Variants in DIP2A observed in about 807,000 individuals in gnomAD.
DIP2A encodes the protein disco-interacting protein 2 homolog A.
Under a neutral mutation model 177.4 loss-of-function variants are expected in DIP2A, and 85 were observed. That is an observed-to-expected ratio of 0.48 (90% confidence interval 0.40 to 0.57). The LOEUF (loss-of-function observed/expected upper bound fraction) is 0.57, where lower values mean the gene tolerates loss of function less well. Ranked by LOEUF, DIP2A falls within the 20% of genes least tolerant of loss-of-function variation. The pLI, the probability that DIP2A is intolerant of heterozygous loss-of-function variation, is 0.00. For synonymous variants in DIP2A, 886 were observed against 881.8 expected (o/e 1.00, Z -0.08); for missense variants, 1,791 against 2,100.2 (o/e 0.85, Z 2.88).
chr21:46,509,257 G>A lies in DIP2A; in HGVS notation c.785G>A (p.Gly262Asp), dbSNP rs759904146. ...CSGSMLETAD[G>D]VPVNSRVSSK... ...TGCTCCTCTGTCCTTCCCGTGACAG[G>A]TGTCCCTGTGAACAGCAGAGTGTCC... is the stretch of plus-strand genomic sequence containing the variant. Residue 262 changes from glycine (G) to aspartate (D), a missense_variant and splice_region_variant, in exon 7 of 38, where the codon GGT becomes GAT. Gly to Asp is a moderately conservative substitution (Grantham distance 94, BLOSUM62 -1). Coordinates refer to ENST00000417564, the MANE Select transcript of DIP2A (RefSeq NM_015151.4). 1 of 1,611,738 alleles carries A rather than the reference G, an allele frequency of 6.2e-7. No individual in the cohort carries two copies. Among genetic ancestry groups the A allele is most frequent in the African/African-American group, 1.3e-5 (1 of 74,786 alleles).
chr21:46,508,762 C>T (rs188497122), intron 6 of DIP2A, among the ~76,000 whole-genome samples: 2 of 152,114 alleles, frequency 1.3e-5, no homozygotes, highest in African/African-American at 4.8e-5. Flanking sequence ...GTGGCACACG[C>T]CTGTGATCCC....
Position 46,477,543 on chromosome 21 carries a change from T to TTGTGTGTGTGTGTGTGTGTGTG in DIP2A, c.92-7210_92-7189dup, listed in dbSNP as rs1555874551. On this transcript the variant is annotated intron_variant, in intron 1 of 37. Coordinates refer to ENST00000417564, the MANE Select transcript of DIP2A (RefSeq NM_015151.4). Reference sequence around the variant, plus strand: ...CTCCGCCTAAAATAAAAAAAAAGATTTGTGTGTGTGTGTGTGTGTGTGTGT... The same window carrying TTGTGTGTGTGTGTGTGTGTGTG: ...CTCCGCCTAAAATAAAAAAAAAGATTTGTGTGTGTGTGTGTGTGTGTGTGTGTGTGTGTGTGTGTGTGTGTGT... 1.3e-3 allele frequency among the ~76,000 whole-genome samples: 117 copies of TTGTGTGTGTGTGTGTGTGTGTG among 87,120 alleles called. 2 individuals are homozygous for TTGTGTGTGTGTGTGTGTGTGTG. The highest frequency in any genetic ancestry group is 3.8e-3 in the African/African-American group (89 of 23,224). 57.2% of individuals were successfully genotyped at this position (87,120 alleles called of 152,430 possible).
rs2060919733 is a variant in DIP2A at position 46,569,382 on chromosome 21, T to A, written c.*1760T>A. 1 of 152,154 alleles carries A rather than the reference T, an allele frequency of 6.6e-6. No individual in the cohort carries two copies. The highest frequency in any genetic ancestry group is 1.5e-5 in the Non-Finnish European group (1 of 68,038). The allele number at this position is 152,154 out of a possible 1,614,324, so 9.4% of individuals were successfully genotyped here. A position where few individuals can be genotyped will look rare whatever the true frequency, so the allele number is the denominator to read the frequency against. On this transcript the variant is annotated 3_prime_UTR_variant, in exon 38 of 38. Transcript: ENST00000417564. ...CATACTGGAATTCTAATAATCCTGT[T>A]GTAAGTATGTACAGAATCTATGTAA...
chr21:46,570,430 A>G (rs2060947575), downstream of DIP2A, among the ~76,000 whole-genome samples: 1 of 152,120 alleles, frequency 6.6e-6, no homozygotes, highest in East Asian at 1.9e-4. Flanking sequence ...TATCTGATGT[A>G]TTTTGTTCAG....
At chr21:46,477,543 T>TTGTGTGTGTGTGAGTGTG (rs2055972855) in intron 1 of DIP2A, among the ~76,000 whole-genome samples, 1 of 87,094 alleles carries the variant, frequency 1.1e-5, no homozygotes, top group African/African-American at 4.3e-5. Context: ...AAAAAAAGAT[T>TTGTGTGTGTGTGAGTGTG]TGTGTGTGTG....
intron 7 of DIP2A, among the ~76,000 whole-genome samples, chr21:46,509,671 A>G (rs1291509230): frequency 6.6e-6 from 1 of 152,186 alleles, no homozygotes; most frequent in Admixed American, 6.5e-5. Context: ...ACTCTGAAAT[A>G]CTTACCTTCT....
intron 18 of DIP2A, among the ~76,000 whole-genome samples, chr21:46,543,535 C>G (rs2059908444): frequency 6.6e-6 from 1 of 152,090 alleles, no homozygotes. Flanking sequence ...GGCGCGCGTG[C>G]AAAGCGCTCC....
chr21:46,464,844 T>TTTTTTTTTTTTTTTTC (rs58546395), intron 1 of DIP2A, among the ~76,000 whole-genome samples: 1 of 111,218 alleles, frequency 9.0e-6, no homozygotes, highest in African/African-American at 4.2e-5. Flanking sequence ...TTTTTTTTTT[T>TTTTTTTTTTTTTTTTC]CAAGAAAACA....
chr21:46,517,521 G>A (rs746446077), intron 8 of DIP2A, among the ~76,000 whole-genome samples: 9 of 152,198 alleles, frequency 5.9e-5, no homozygotes, highest in Non-Finnish European at 8.8e-5. Context: ...TGGCCCAGCC[G>A]GCCTTTGCTC....
In DIP2A at chr21:46,556,123, C is replaced by A. The variant is rs1310334594; in HGVS notation, c.3498+32C>A. On this transcript the variant is annotated intron_variant, in intron 29 of 37. Transcript: ENST00000417564. This position sits in a 1 kb window ranked among gnomAD's most constrained non-coding sequence, Gnocchi z 4.5. ...CCTCTGAAATCTTGTTTGCTTCAGC[C>A]CCTAGAAATCAGGAGGAGTGGACAG... is the stretch of plus-strand genomic sequence containing the variant. The A allele has an allele frequency of 1.9e-6, 3 of 1,579,922 alleles. No individual in the cohort carries two copies. The highest frequency in any genetic ancestry group is 2.6e-6 in the Non-Finnish European group (3 of 1,149,430).
intron 1 of DIP2A, among the ~76,000 whole-genome samples, chr21:46,477,543 T>TTTTTTGTGTGTGTGTGTGTGTGTGTGTG (rs374607636): frequency 2.6e-3 from 226 of 87,122 alleles, no homozygotes; most frequent in Non-Finnish European, 4.1e-3. Context: ...AAAAAAAGAT[T>TTTTTTGTGTGTGTGTGTGTGTGTGTGTG]TGTGTGTGTG....
At chr21:46,504,677 A>C (rs2057880310) in intron 6 of DIP2A, among the ~76,000 whole-genome samples, 188 bp downstream of exon 6, 1 of 152,242 alleles carries the variant, frequency 6.6e-6, no homozygotes, top group Admixed American at 6.5e-5. Context: ...AAATAATTGG[A>C]AATATCAATG....
At chr21:46,525,211 T>C (rs548098017) in intron 8 of DIP2A, among the ~76,000 whole-genome samples, 1 of 152,276 alleles carries the variant, frequency 6.6e-6, no homozygotes, top group Non-Finnish European at 1.5e-5. Flanking sequence ...ATGTTCTCTT[T>C]AAGTACTGTT....
intron 10 of DIP2A, among the ~76,000 whole-genome samples, chr21:46,533,031 C>A (rs1449530453): frequency 6.6e-6 from 1 of 152,126 alleles, no homozygotes; most frequent in African/African-American, 2.4e-5. Flanking sequence ...AGGAGTAAAA[C>A]TAGAGATTTG....
intron 21 of DIP2A, among the ~76,000 whole-genome samples, chr21:46,548,376 G>T (rs2060145424): frequency 6.6e-6 from 1 of 152,174 alleles, no homozygotes; most frequent in Non-Finnish European, 1.5e-5. Context: ...AGGGCCACCT[G>T]TACCTGATGG....
At chr21:46,465,820 GA>G (rs1459260606) in intron 1 of DIP2A, among the ~76,000 whole-genome samples, 1 of 152,206 alleles carries the variant, frequency 6.6e-6, no homozygotes, top group East Asian at 1.9e-4. Context: ...GCTGCACAAA[GA>G]GGTACAGTGC....
chr21:46,524,102 C>T (rs1015497786), intron 8 of DIP2A, among the ~76,000 whole-genome samples: 1 of 152,184 alleles, frequency 6.6e-6, no homozygotes, highest in Non-Finnish European at 1.5e-5. Flanking sequence ...AAAAAATGCT[C>T]CCATGTTCCA....
chr21:46,532,202 G>C lies in DIP2A; in HGVS notation c.1270G>C (p.Val424Leu). ...TTATGGGTGTCTCCTGGCAGAGCTG[G>C]TTCCTGTCCCCATAGAAGTGCCATT... is the stretch of plus-strand genomic sequence containing the variant. ...AFYGCLLAEL[V>L]PVPIEVPLTR... The change falls in exon 10 of 38, where the codon GTT (valine) becomes CTT (leucine). Residue 424 changes from valine to leucine, a missense_variant. Physicochemically the swap from Val to Leu is conservative, Grantham distance 32. Coordinates refer to ENST00000417564, the MANE Select transcript of DIP2A (RefSeq NM_015151.4). 2 of 1,613,930 alleles carry C rather than the reference G, an allele frequency of 1.2e-6. No individual in the cohort carries two copies. The highest frequency in any genetic ancestry group is 1.7e-6 in the Non-Finnish European group (2 of 1,179,846).
chr21:46,550,254 G>T (rs2060222355), intron 22 of DIP2A: 2 of 622,854 alleles, frequency 3.2e-6, no homozygotes, highest in Admixed American at 6.4e-5. Flanking sequence ...TTGAGGCTTT[G>T]TGCCCTTTCA....
Sources: allele counts gnomAD v4.1 joint callset (sites outside exome capture counted in the v4.1 genomes callset), GRCh38; gene constraint gnomAD v4.1.1; non-coding constraint Gnocchi (gnomAD v3.1); transcripts MANE v1.5; gene names NCBI Gene and HGNC (gene_info 2026-07-23, HGNC 2026-07-21).